Variants in AARS1 observed in about 807,000 individuals in gnomAD.
The protein encoded by AARS1 is alanyl-tRNA synthetase 1.
AARS1 carries 72 observed loss-of-function variants against 108.9 expected under a neutral mutation model. That is an observed-to-expected ratio of 0.66 (90% CI 0.55 to 0.80). The LOEUF is 0.80. Ranked by LOEUF, AARS1 falls within the 30% of genes least tolerant of loss-of-function variation. AARS1 has a pLI of 0.00. For missense variants in AARS1, 1,193 were observed against 1,233.2 expected (o/e 0.97, Z 0.49); for synonymous variants, 489 against 465.7 (o/e 1.05, Z -0.64).
At chr16:70,284,446 C>T (rs1214421120) in intron 1 of AARS1, among the ~76,000 whole-genome samples, 4 of 151,534 alleles carry the variant, frequency 2.6e-5, no homozygotes, top group Non-Finnish European at 5.9e-5. Flanking sequence ...ACTAAAAATA[C>T]AAAAAATAAT....
chr16:70,265,564 A>G lies in AARS1; in HGVS notation c.1321T>C (p.Phe441Leu). Residue 441 changes from phenylalanine (F) to leucine (L), a missense_variant, in exon 10 of 21, where the codon TTT becomes CTT. Transcript: ENST00000261772. ...EKGLVVDMDG[F>L]EEERKLAQLK... ...TGGGCCAGTTTCCTCTCCTCTTCAA[A>G]GCCATCCATGTCTACCACCAGGCCC... The G allele has an allele frequency of 2.5e-6, 4 of 1,614,014 alleles. No individual in the cohort carries two copies. Among genetic ancestry groups the G allele is most frequent in the Non-Finnish European group, 3.4e-6 (4 of 1,179,940 alleles).
chr16:70,287,404 G>C (rs1245448496), intron 1 of AARS1, among the ~76,000 whole-genome samples: 2 of 151,122 alleles, frequency 1.3e-5, no homozygotes, highest in African/African-American at 4.9e-5. Context: ...CTCCAGCCTG[G>C]GTGACAAAGC....
chr16:70,255,045 G>T (rs1008732224), intron 16 of AARS1, among the ~76,000 whole-genome samples: 1 of 152,068 alleles, frequency 6.6e-6, no homozygotes, highest in Admixed American at 6.5e-5. Flanking sequence ...CAGTTCCCAT[G>T]AAAGAGCACC....
chr16:70,289,505 G>C lies in AARS1; in HGVS notation c.-106C>G, dbSNP rs1450793816. The C allele has an allele frequency of 8.8e-6, 4 of 452,508 alleles. No homozygotes were observed. The highest frequency in any genetic ancestry group is 7.1e-5 in the Admixed American group (3 of 42,416). The allele number at this position is 452,508 out of a possible 1,614,324, so 28.0% of individuals were successfully genotyped here. On this transcript the variant is annotated 5_prime_UTR_variant, in exon 1 of 21. Transcript: ENST00000261772. ...CACCTATTCCCGCAGACGCGCAGCT[G>C]TACCGGCCTCAGACCACGACCTACC...
intron 15 of AARS1, 99 bp from the exon 16 acceptor site, chr16:70,255,935 G>GGAA: frequency 3.6e-6 from 4 of 1,121,376 alleles, no homozygotes; most frequent in Non-Finnish European, 5.3e-6. Context: ...TGGGTTGACA[G>GGAA]TCAGGGAAAG....
intron 1 of AARS1, among the ~76,000 whole-genome samples, chr16:70,289,083 G>A (rs1002980592): frequency 1.3e-5 from 2 of 152,062 alleles, no homozygotes; most frequent in Admixed American, 6.6e-5. Context: ...AAGAAATCAA[G>A]GAATGGCTGG....
At chr16:70,283,491 G>A (rs958587920) in intron 1 of AARS1, among the ~76,000 whole-genome samples, 4 of 152,056 alleles carry the variant, frequency 2.6e-5, no homozygotes, top group African/African-American at 9.7e-5. Context: ...AGGCTCAGGA[G>A]ACCGGGGTTT....
intron 8 of AARS1, 33 bp from the exon 9 acceptor site, chr16:70,267,842 T>C (rs763140788): frequency 6.2e-7 from 1 of 1,614,058 alleles, no homozygotes; most frequent in Non-Finnish European, 8.5e-7. Flanking sequence ...AGGGGCTGGA[T>C]GAAGCCAGAG....
intron 4 of AARS1, among the ~76,000 whole-genome samples, chr16:70,274,400 CTG>C (rs1960486917): frequency 6.6e-6 from 1 of 151,624 alleles, no homozygotes; most frequent in Non-Finnish European, 1.5e-5. Flanking sequence ...AAGAAACAAA[CTG>C]TTTCATATGA....
chr16:70,287,679 G>A (rs1237434789), intron 1 of AARS1, among the ~76,000 whole-genome samples: 1 of 151,964 alleles, frequency 6.6e-6, no homozygotes, highest in African/African-American at 2.4e-5. Context: ...TAAGTTTGAG[G>A]CTGCAGTGAG....
At chr16:70,274,860 C>T (rs545768684) in intron 4 of AARS1, among the ~76,000 whole-genome samples, 2 of 152,140 alleles carry the variant, frequency 1.3e-5, no homozygotes, top group South Asian at 2.1e-4. Flanking sequence ...AGGGAACTTC[C>T]ACTTTCTATT....
intron 2 of AARS1, among the ~76,000 whole-genome samples, chr16:70,282,378 T>C (rs563527112): frequency 1.3e-5 from 2 of 150,326 alleles, no homozygotes; most frequent in African/African-American, 2.4e-5. Flanking sequence ...CTACGTACTA[T>C]GTGCGAAATA....
chr16:70,275,475 AC>A (rs1248098208), intron 4 of AARS1, among the ~76,000 whole-genome samples: 1 of 143,466 alleles, frequency 7.0e-6, no homozygotes, highest in Non-Finnish European at 1.5e-5. Context: ...ATATAAAAAA[AC>A]AATTGGCCGG....
At position 70,277,217 on chromosome 16, in the gene AARS1, C is replaced by T; in HGVS notation, c.145-63G>A. 2.0e-6 allele frequency: 3 copies of T among 1,517,532 alleles called. No individual in the cohort carries two copies. In the East Asian group the frequency reaches 6.8e-5, roughly 34 times the overall value. 94.0% of individuals were successfully genotyped at this position (1,517,532 alleles called of 1,614,324 possible). ...GCAAGTGATGTCAGGTGGCCACACA[C>T]TAGCAGGAAGAGACGACCACACACT... On this transcript the variant is annotated intron_variant, in intron 2 of 20. Transcript: ENST00000261772.
intron 4 of AARS1, among the ~76,000 whole-genome samples, chr16:70,275,558 C>T (rs1207816094): frequency 2.0e-5 from 3 of 151,664 alleles, no homozygotes; most frequent in South Asian, 4.2e-4. Flanking sequence ...GTCAGGAGAT[C>T]GAGACCACCC....
intron 11 of AARS1, among the ~76,000 whole-genome samples, chr16:70,264,640 T>C (rs1342464926): frequency 6.6e-6 from 1 of 152,118 alleles, no homozygotes; most frequent in African/African-American, 2.4e-5. Context: ...TGATAGTCAC[T>C]GTGGATTGTA....
chr16:70,255,194 A>T (rs865874681), intron 16 of AARS1, among the ~76,000 whole-genome samples: 3,633 of 104,144 alleles, frequency 0.035, 232 homozygotes, highest in African/African-American at 0.13. Context: ...CCAGATTCAC[A>T]TTTTTTTTTT....
intron 16 of AARS1, 85 bp downstream of exon 16, chr16:70,255,643 C>A: frequency 8.3e-7 from 1 of 1,199,250 alleles, no homozygotes; most frequent in Non-Finnish European, 1.2e-6. Context: ...AGCAGCCACG[C>A]AGAGCAGTGT....
At chr16:70,285,594 A>G (rs1043794562) in intron 1 of AARS1, among the ~76,000 whole-genome samples, 2 of 152,134 alleles carry the variant, frequency 1.3e-5, no homozygotes, top group African/African-American at 4.8e-5. Flanking sequence ...GATTACAGGT[A>G]AGTGCCACCA....
Sources: allele counts gnomAD v4.1 joint callset (sites outside exome capture counted in the v4.1 genomes callset), GRCh38; gene constraint gnomAD v4.1.1; transcripts MANE v1.5; gene names NCBI Gene and HGNC (gene_info 2026-07-23, HGNC 2026-07-21).